The following TPD52 variants were observed in gnomAD, a reference collection of about 807,000 sequenced individuals.
TPD52 encodes prostate and colon associated protein.
In TPD52, 17 loss-of-function variants were observed where a neutral mutation model predicts 31.3. The ratio of observed to expected loss-of-function variants is 0.54; its 90% CI spans 0.37 to 0.82. The LOEUF is 0.82. Ranked by LOEUF, TPD52 falls within the 40% of genes least tolerant of loss-of-function variation. TPD52 has a pLI of 0.00. For missense variants in TPD52, 212 were observed against 240.1 expected (o/e 0.88, Z 0.77); for synonymous variants, 83 against 89.6 (o/e 0.93, Z 0.42).
At chr8:80,053,928 T>A (rs1011239192) in intron 2 of TPD52, among the ~76,000 whole-genome samples, 2 of 152,208 alleles carry the variant, frequency 1.3e-5, no homozygotes, top group Admixed American at 1.3e-4. Flanking sequence ...ATATTTGATA[T>A]GAGTATATAT....
intron 1 of TPD52, among the ~76,000 whole-genome samples, chr8:80,152,396 A>C (rs1272818843): frequency 1.3e-5 from 2 of 152,096 alleles, no homozygotes; most frequent in Admixed American, 6.5e-5. Flanking sequence ...CTTCCTCCTA[A>C]ACACTCATTC....
In TPD52 at chr8:80,064,531, T is replaced by C; in HGVS notation, c.82A>G (p.Thr28Ala). 6.2e-7 allele frequency: 1 copy of C among 1,614,212 alleles called. No homozygotes were observed. The highest frequency in any genetic ancestry group is 8.5e-7 in the Non-Finnish European group (1 of 1,180,026). ...GEDVAATISA[T>A]ETLSEEEQEE... ...TGCTCCTCTTCCGAGAGGGTCTCTGTGGCACTGATCGTGGCAGCAACATCT... is the reference window on the plus strand; with the variant it reads ...TGCTCCTCTTCCGAGAGGGTCTCTGCGGCACTGATCGTGGCAGCAACATCT... Residue 28 changes from threonine (T) to alanine (A), a missense_variant, in exon 2 of 8, where the codon ACA (threonine) becomes GCA (alanine). Physicochemically the swap from Thr to Ala is moderately conservative, Grantham distance 58. Coordinates refer to ENST00000518937, the MANE Select transcript of TPD52 (RefSeq NM_001025253.3).
chr8:80,117,877 C>T (rs796939449), intron 1 of TPD52, among the ~76,000 whole-genome samples: 3 of 151,652 alleles, frequency 2.0e-5, no homozygotes, highest in Non-Finnish European at 1.5e-5. Context: ...GGACTACAGG[C>T]GCGTGCCACC....
intron 3 of TPD52, among the ~76,000 whole-genome samples, chr8:80,052,407 A>G (rs187510409): frequency 1.7e-4 from 26 of 152,332 alleles, no homozygotes; most frequent in African/African-American, 6.3e-4. Flanking sequence ...ATTTTTACTT[A>G]CCCTGTCAAG....
intron 6 of TPD52, among the ~76,000 whole-genome samples, chr8:80,043,135 G>T (rs543534906): frequency 4.4e-4 from 67 of 152,260 alleles, no homozygotes; most frequent in African/African-American, 1.6e-3. Context: ...AAGCTTATGA[G>T]GTTCAATATC....
chr8:80,111,496 A>G (rs1278489846), intron 1 of TPD52, among the ~76,000 whole-genome samples: 1 of 152,034 alleles, frequency 6.6e-6, no homozygotes, highest in African/African-American at 2.4e-5. Flanking sequence ...TAACAGAAGC[A>G]TTCTGTGTGG....
rs1186333284 is a variant in TPD52, at chr8:80,037,016, A to T, written c.*1100T>A. 6.6e-6 allele frequency: 1 copy of T among 152,596 alleles called. No individual in the cohort carries two copies. Among genetic ancestry groups the T allele is most frequent in the East Asian group, 1.9e-4 (1 of 5,202 alleles). 9.5% of individuals were successfully genotyped at this position (152,596 alleles called of 1,614,324 possible). On this transcript the variant is annotated 3_prime_UTR_variant, in exon 8 of 8. Coordinates refer to ENST00000518937, the MANE Select transcript of TPD52 (RefSeq NM_001025253.3). Reference sequence around the variant, plus strand: ...CCTGACATTCAGTTTTCAAAGTAGGAGACAGGTTCTACAGTATCATTTTAC... The same window carrying T: ...CCTGACATTCAGTTTTCAAAGTAGGTGACAGGTTCTACAGTATCATTTTAC...
intron 6 of TPD52, 29 bp downstream of exon 6, chr8:80,044,138 C>G (rs760099573): frequency 5.1e-6 from 8 of 1,563,106 alleles, no homozygotes; most frequent in Non-Finnish European, 6.1e-6. Flanking sequence ...AGCATAAGAC[C>G]AACTACATTT....
At chr8:80,084,091 G>A (rs1393486327) in intron 1 of TPD52, among the ~76,000 whole-genome samples, 1 of 152,194 alleles carries the variant, frequency 6.6e-6, no homozygotes, top group Non-Finnish European at 1.5e-5. Context: ...CCCAGGTGGA[G>A]GGTGAGACCC....
chr8:80,083,077 G>A (rs1049069420), intron 1 of TPD52, among the ~76,000 whole-genome samples: 1 of 152,024 alleles, frequency 6.6e-6, no homozygotes, highest in African/African-American at 2.4e-5. Context: ...CAAAAATTCA[G>A]TTAACTCAAC....
At chr8:80,031,447 C>T (rs900973293), downstream of TPD52, among the ~76,000 whole-genome samples, 3 of 152,144 alleles carry the variant, frequency 2.0e-5, no homozygotes, top group Admixed American at 1.3e-4. Flanking sequence ...TGTTTATCTC[C>T]CGAGACTATT....
At chr8:80,082,923 C>G (rs1289233551) in intron 1 of TPD52, among the ~76,000 whole-genome samples, 1 of 152,186 alleles carries the variant, frequency 6.6e-6, no homozygotes, top group Non-Finnish European at 1.5e-5. Flanking sequence ...TAGATACAAT[C>G]TTAGGACTTT....
intron 1 of TPD52, among the ~76,000 whole-genome samples, chr8:80,084,120 T>C (rs1193932139): frequency 1.3e-5 from 2 of 152,164 alleles, no homozygotes; most frequent in Non-Finnish European, 2.9e-5. Context: ...GTTACTATGT[T>C]TTTCCTTCTG....
Position 80,113,966 on chromosome 8 carries a change from C to T in TPD52, c.20-49373G>A, listed in dbSNP as rs187056355. Among the ~76,000 whole-genome samples the T allele has an allele frequency of 4.4e-3, 674 of 152,118 alleles. 1 individual carries two copies. Among genetic ancestry groups the T allele is most frequent in the Non-Finnish European group, 6.9e-3 (472 of 67,984 alleles). On this transcript the variant is annotated intron_variant, in intron 1 of 7. Coordinates refer to ENST00000518937, the MANE Select transcript of TPD52 (RefSeq NM_001025253.3). ...AAGAGGCATATATAAAATCACAGGC[C>T]GGGCATGGTGGCTCACACCTGTGAT...
intron 1 of TPD52, among the ~76,000 whole-genome samples, chr8:80,090,562 T>C (rs1157716766): frequency 6.6e-6 from 1 of 152,234 alleles, no homozygotes; most frequent in Non-Finnish European, 1.5e-5. Context: ...GTTGGCATTC[T>C]TTTAAAAATA....
At chr8:80,166,544 T>C (rs1482314008) in intron 1 of TPD52, among the ~76,000 whole-genome samples, 5 of 151,872 alleles carry the variant, frequency 3.3e-5, no homozygotes, top group African/African-American at 1.2e-4. Flanking sequence ...TAAAGTGTAT[T>C]TTTTAAATAC....
intron 6 of TPD52, 52 bp from the exon 7 acceptor site, chr8:80,042,720 C>T (rs1475647732): frequency 6.6e-7 from 1 of 1,522,638 alleles, no homozygotes. Flanking sequence ...GAAAAAAAAT[C>T]CAACTAGTTT....
intron 1 of TPD52, among the ~76,000 whole-genome samples, chr8:80,083,193 C>CAAAAA (rs11367625): frequency 6.8e-6 from 1 of 146,980 alleles, no homozygotes; most frequent in Admixed American, 6.8e-5. Flanking sequence ...ATATACTGTG[C>CAAAAA]AAAAAAAAAA....
At chr8:80,075,083 A>G (rs761649722) in intron 1 of TPD52, among the ~76,000 whole-genome samples, 22 of 152,096 alleles carry the variant, frequency 1.4e-4, no homozygotes, top group Non-Finnish European at 2.4e-4. Context: ...AAGTTCAAGC[A>G]ATTCTCCTGC....
Sources: gnomAD v4.1 joint callset for allele counts (sites outside exome capture counted in the v4.1 genomes callset) on GRCh38, gnomAD v4.1.1 for gene constraint, MANE v1.5 for transcripts, NCBI Gene and HGNC (gene_info 2026-07-23, HGNC 2026-07-21) for gene names.